The following NTRK2 variants were observed in gnomAD, a reference collection of about 807,000 sequenced individuals.
NTRK2 encodes the protein BDNF/NT-3 growth factors receptor.
A neutral mutation model predicts 94.5 loss-of-function variants in NTRK2; 13 were observed. The ratio of observed to expected loss-of-function variants is 0.14; its 90% CI spans 0.09 to 0.22. NTRK2 has a LOEUF of 0.22. Ranked by LOEUF, NTRK2 falls within the 10% of genes least tolerant of loss-of-function variation. The probability of loss-of-function intolerance (pLI) is 1.00; values close to 1 mark genes in which losing one functional copy is unlikely to be tolerated. For synonymous variants in NTRK2, 372 were observed against 407.4 expected, an observed-to-expected ratio of 0.91 and a Z score of 1.05; for missense variants, 639 against 1,071.2, an observed-to-expected ratio of 0.60 and a Z score of 5.63.
chr9:84,862,274 G>T (rs2075372469), intron 13 of NTRK2, among the ~76,000 whole-genome samples: 1 of 152,166 alleles, frequency 6.6e-6, no homozygotes, highest in African/African-American at 2.4e-5. Context: ...GATATCAGAG[G>T]GATGATCCTG....
At chr9:84,855,381 A>G (rs1202711612) in intron 12 of NTRK2, among the ~76,000 whole-genome samples, 1 of 152,150 alleles carries the variant, frequency 6.6e-6, no homozygotes, top group Non-Finnish European at 1.5e-5. Context: ...CAGAGGACAT[A>G]CATGTTTATG....
At chr9:84,901,532 A>G (rs1338640200) in intron 14 of NTRK2, among the ~76,000 whole-genome samples, 1 of 152,230 alleles carries the variant, frequency 6.6e-6, no homozygotes, top group South Asian at 2.1e-4. Flanking sequence ...GCGCCCGACC[A>G]TAATTTTTAA....
chr9:84,831,558 A>G (rs1457508501), intron 12 of NTRK2, among the ~76,000 whole-genome samples: 1 of 152,088 alleles, frequency 6.6e-6, no homozygotes, highest in African/African-American at 2.4e-5. Context: ...CCATATGCCA[A>G]CTCCTGTAAT....
intron 14 of NTRK2, among the ~76,000 whole-genome samples, chr9:84,887,507 A>T (rs2076453989): frequency 6.6e-6 from 1 of 152,228 alleles, no homozygotes; most frequent in East Asian, 1.9e-4. Context: ...ATACTCTAAC[A>T]TCACTTATGA....
At chr9:84,823,756 G>T (rs2073003585) in intron 12 of NTRK2, among the ~76,000 whole-genome samples, 1 of 152,170 alleles carries the variant, frequency 6.6e-6, no homozygotes, top group Non-Finnish European at 1.5e-5. Flanking sequence ...ATGTTGGCAA[G>T]ACCCTTCACA....
chr9:84,812,955 T>A, intron 12 of NTRK2: 8 of 1,029,260 alleles, frequency 7.8e-6, no homozygotes, highest in Non-Finnish European at 9.3e-6. Context: ...TGTTCTTTTC[T>A]TTTTTTTAAT....
At chr9:84,752,557 A>C (rs965913665) in intron 12 of NTRK2, among the ~76,000 whole-genome samples, 2 of 152,236 alleles carry the variant, frequency 1.3e-5, no homozygotes, top group African/African-American at 4.8e-5. Flanking sequence ...GTTATGAAGC[A>C]AAATAAGAAC....
intron 2 of NTRK2, among the ~76,000 whole-genome samples, chr9:84,680,250 T>C (rs1191422082): frequency 6.6e-6 from 1 of 152,184 alleles, no homozygotes. Context: ...CCTGAGCAGC[T>C]TATATCTAGC....
rs190911559 is a variant in NTRK2, at chr9:84,864,281, C to G, written c.1445-2962C>G. Among the ~76,000 whole-genome samples, 131 of 151,862 alleles carry G rather than the reference C, an allele frequency of 8.6e-4. 1 individual carries two copies. Among genetic ancestry groups the G allele is most frequent in the African/African-American group, 3.1e-3 (127 of 41,406 alleles). On this transcript the variant is annotated intron_variant, in intron 13 of 18. Transcript: ENST00000277120. Reference sequence around the variant, plus strand: ...AAATATTGCTGGATCTCTGACAGCACGTGGAGTCTTTTAAAATGAAACTCC... The same window carrying G: ...AAATATTGCTGGATCTCTGACAGCAGGTGGAGTCTTTTAAAATGAAACTCC...
At chr9:84,691,143 G>A (rs2060026331) in intron 2 of NTRK2, among the ~76,000 whole-genome samples, 1 of 152,214 alleles carries the variant, frequency 6.6e-6, no homozygotes, top group Non-Finnish European at 1.5e-5. Flanking sequence ...TTAGGAAGGA[G>A]AATGCCTACT....
intron 14 of NTRK2, among the ~76,000 whole-genome samples, chr9:84,926,104 CCTTTCCTTCCTTCCTTCCTT>C (rs1206953739): frequency 8.6e-5 from 12 of 139,474 alleles, no homozygotes; most frequent in African/African-American, 3.5e-4. Context: ...TTCCTTCCTT[CCTTTCCTTCCTTCCTTCCTT>C]CCTTCCTTCC....
At chr9:84,764,073 GA>G (rs2065831227) in intron 12 of NTRK2, among the ~76,000 whole-genome samples, 2 of 152,284 alleles carry the variant, frequency 1.3e-5, no homozygotes, top group South Asian at 4.1e-4. Flanking sequence ...GTTTTGGGAA[GA>G]AAACATCACA....
At chr9:84,873,140 G>A (rs865777451) in intron 14 of NTRK2, 1 of 1,063,980 alleles carries the variant, frequency 9.4e-7, no homozygotes, top group African/African-American at 1.6e-5. Context: ...CCATTTTGAT[G>A]GTCAGAGGTA....
chr9:84,864,476 C>T (rs1335160719), intron 13 of NTRK2, among the ~76,000 whole-genome samples: 1 of 152,122 alleles, frequency 6.6e-6, no homozygotes, highest in African/African-American at 2.4e-5. Flanking sequence ...CCAAACATCA[C>T]CTGTTCCCCA....
At chr9:84,812,634 T>C (rs757900977) in intron 12 of NTRK2, 2 of 1,046,660 alleles carry the variant, frequency 1.9e-6, no homozygotes, top group Non-Finnish European at 2.3e-6. Flanking sequence ...GAGCTCAGTA[T>C]GGCAAAGGTT....
chr9:84,734,475 C>A (rs1403359496), intron 9 of NTRK2, among the ~76,000 whole-genome samples: 1 of 152,216 alleles, frequency 6.6e-6, no homozygotes, highest in East Asian at 1.9e-4. Flanking sequence ...ATTTTACTAC[C>A]TGAGCTTTCT....
chr9:84,707,974 T>C, intron 5 of NTRK2, 62 bp downstream of exon 5: 1 of 1,377,654 alleles, frequency 7.3e-7, no homozygotes, highest in Non-Finnish European at 1.0e-6. Flanking sequence ...TAATTAAGTA[T>C]TTTTCTTTTA....
At chr9:84,770,713 G>A (rs1475101781) in intron 12 of NTRK2, among the ~76,000 whole-genome samples, 1 of 152,026 alleles carries the variant, frequency 6.6e-6, no homozygotes, top group Non-Finnish European at 1.5e-5. Flanking sequence ...ACCATTTACT[G>A]AGAGGGCCGT....
intron 6 of NTRK2, among the ~76,000 whole-genome samples, chr9:84,718,357 C>T (rs1449524714): frequency 6.6e-6 from 1 of 151,976 alleles, no homozygotes; most frequent in African/African-American, 2.4e-5. Context: ...TAACAAGATA[C>T]CCTGGTGATT....
Sources: gnomAD v4.1 joint callset for allele counts (sites outside exome capture counted in the v4.1 genomes callset) on GRCh38, gnomAD v4.1.1 for gene constraint, MANE v1.5 for transcripts, NCBI Gene and HGNC (gene_info 2026-07-23, HGNC 2026-07-21) for gene names.